Variants in HECW1 observed in about 807,000 individuals in gnomAD.
HECW1 encodes E3 ubiquitin-protein ligase HECW1.
HECW1 carries 61 observed loss-of-function variants against 182.3 expected under a neutral mutation model. That is an observed-to-expected ratio of 0.33 (90% CI 0.27 to 0.41). The LOEUF is 0.41. Among genes scored for constraint, HECW1 ranks in the 10% least tolerant of loss-of-function variants. The probability of loss-of-function intolerance (pLI) is 1.00; values close to 1 mark genes in which losing one functional copy is unlikely to be tolerated. For missense variants in HECW1, 1,739 were observed against 2,108.9 expected (o/e 0.82, Z 3.44); for synonymous variants, 859 against 832.6 (o/e 1.03, Z -0.55).
chr7:43,251,994 G>C (rs1280055573), intron 3 of HECW1, among the ~76,000 whole-genome samples: 1 of 152,108 alleles, frequency 6.6e-6, no homozygotes, highest in East Asian at 1.9e-4. Context: ...TGACTTGTAA[G>C]AATCTCAGCA....
chr7:43,242,788 C>G (rs1799004410), intron 2 of HECW1, among the ~76,000 whole-genome samples: 1 of 152,168 alleles, frequency 6.6e-6, no homozygotes, highest in Non-Finnish European at 1.5e-5. Flanking sequence ...GCCTGAGAAC[C>G]ATCCAGGAAG....
intron 19 of HECW1, among the ~76,000 whole-genome samples, chr7:43,494,273 A>C (rs1255504486): frequency 6.6e-6 from 1 of 151,536 alleles, no homozygotes; most frequent in African/African-American, 2.4e-5. Context: ...TCCACACCTA[A>C]ACATTCACCT....
At chr7:43,251,035 A>G (rs1007429555) in intron 3 of HECW1, among the ~76,000 whole-genome samples, 3 of 152,176 alleles carry the variant, frequency 2.0e-5, no homozygotes, top group Non-Finnish European at 4.4e-5. Context: ...CAGGGCAGCA[A>G]TGCTTCTGGT....
intron 13 of HECW1, among the ~76,000 whole-genome samples, chr7:43,456,757 A>T (rs963189632): frequency 6.6e-6 from 1 of 152,188 alleles, no homozygotes; most frequent in African/African-American, 2.4e-5. Flanking sequence ...TTCACCAAGG[A>T]TGTCAGTGTT....
intron 16 of HECW1, among the ~76,000 whole-genome samples, chr7:43,475,576 G>C (rs1374588915): frequency 6.6e-6 from 1 of 151,866 alleles, no homozygotes; most frequent in African/African-American, 2.4e-5. Flanking sequence ...AGTGAGACTG[G>C]GTCTCGCTCT....
At chr7:43,273,429 T>A (rs1802671715) in intron 3 of HECW1, among the ~76,000 whole-genome samples, 1 of 152,142 alleles carries the variant, frequency 6.6e-6, no homozygotes, top group African/African-American at 2.4e-5. Flanking sequence ...TTGACCCTAA[T>A]ATAAATTTCG....
chr7:43,548,154 T>C (rs1024556022), intron 26 of HECW1, among the ~76,000 whole-genome samples: 1 of 152,262 alleles, frequency 6.6e-6, no homozygotes, highest in Non-Finnish European at 1.5e-5. Context: ...ATTTTAACTT[T>C]TTAATAATAG....
In HECW1 at chr7:43,507,163, C is replaced by G; in HGVS notation, c.3658C>G (p.Pro1220Ala). ...PGLQRASARA[P>A]SPYRRDFEAK... ...TTTACAGAGAGCCAGTGCAAGAGCC[C>G]CTTCCCCCTACCGAAGAGACTTTGA... Residue 1220 changes from proline (P) to alanine (A), a missense_variant, in exon 22 of 30, where the codon CCT (proline) becomes GCT (alanine). This residue lies in a region of HECW1 where 420 missense variants were observed against 595.7 expected (regional missense o/e 0.71). Coordinates refer to ENST00000395891, the MANE Select transcript of HECW1 (RefSeq NM_015052.5). 6.2e-7 allele frequency: 1 copy of G among 1,613,976 alleles called. No homozygotes were observed. Among genetic ancestry groups the G allele is most frequent in the Non-Finnish European group, 8.5e-7 (1 of 1,179,890 alleles).
intron 5 of HECW1, among the ~76,000 whole-genome samples, chr7:43,358,599 G>A (rs1020617448): frequency 1.3e-5 from 2 of 152,084 alleles, no homozygotes; most frequent in Admixed American, 1.3e-4. Flanking sequence ...AATTTAAATA[G>A]CTGATTAAAA....
intron 13 of HECW1, among the ~76,000 whole-genome samples, chr7:43,459,596 G>A (rs554934751): frequency 1.1e-4 from 16 of 151,640 alleles, no homozygotes; most frequent in African/African-American, 3.9e-4. Context: ...GGAGTGCAGT[G>A]GCATTATCTC....
At chr7:43,511,216 TGA>T (rs989213248) in intron 24 of HECW1, 2 of 152,248 alleles carry the variant, frequency 1.3e-5, no homozygotes, top group African/African-American at 4.8e-5. Context: ...CTAAGCATGC[TGA>T]GTTTCATCCA....
intron 5 of HECW1, among the ~76,000 whole-genome samples, chr7:43,345,815 C>T (rs1562866384): frequency 2.0e-5 from 3 of 151,300 alleles, no homozygotes; most frequent in Admixed American, 1.3e-4. Context: ...CACACACACA[C>T]ACACACACAC....
chr7:43,456,341 G>GACC lies in HECW1; in HGVS notation c.2548_2550dup (p.His850dup). 1 of 1,613,864 alleles carries GACC rather than the reference G, an allele frequency of 6.2e-7. No homozygotes were observed. The highest frequency in any genetic ancestry group is 1.1e-5 in the South Asian group (1 of 91,000). ...CAGCCACGGGCGGGTCTTTTATGTG[G>GACC]ACCACGTGAACCGCACAACCACCTG... On this transcript the variant is annotated inframe_insertion, in exon 13 of 30. Coordinates refer to ENST00000395891, the MANE Select transcript of HECW1 (RefSeq NM_015052.5).
chr7:43,557,386 C>G (rs912303826), intron 29 of HECW1, among the ~76,000 whole-genome samples: 2 of 152,204 alleles, frequency 1.3e-5, no homozygotes, highest in African/African-American at 4.8e-5. Flanking sequence ...CCGGTCATAG[C>G]CCAGGCTACA....
chr7:43,194,744 A>G (rs1794272214), intron 2 of HECW1, among the ~76,000 whole-genome samples: 1 of 150,088 alleles, frequency 6.7e-6, no homozygotes, highest in Non-Finnish European at 1.5e-5. Flanking sequence ...CCCAGGCTGG[A>G]GTGCAATGGC....
At chr7:43,335,105 AT>A (rs1288430438) in intron 5 of HECW1, among the ~76,000 whole-genome samples, 1 of 152,212 alleles carries the variant, frequency 6.6e-6, no homozygotes, top group Admixed American at 6.5e-5. Context: ...GGAAGAGTAG[AT>A]TATGTCAATT....
At chr7:43,497,026 C>G (rs1298107341) in intron 19 of HECW1, among the ~76,000 whole-genome samples, 1 of 151,954 alleles carries the variant, frequency 6.6e-6, no homozygotes, top group Non-Finnish European at 1.5e-5. Context: ...TTTTTTTAAG[C>G]CATATACAGC....
chr7:43,330,321 G>A (rs982183905), intron 5 of HECW1, among the ~76,000 whole-genome samples: 19 of 152,238 alleles, frequency 1.2e-4, no homozygotes, highest in African/African-American at 4.6e-4. Context: ...AGAGCATGCT[G>A]GCAGGCCCAG....
chr7:43,519,412 A>G (rs544637201), intron 24 of HECW1, among the ~76,000 whole-genome samples: 1 of 152,174 alleles, frequency 6.6e-6, no homozygotes, highest in African/African-American at 2.4e-5. Flanking sequence ...CACCCGGCTA[A>G]TTTTTGTATT....
Sources: gnomAD v4.1 joint callset for allele counts (sites outside exome capture counted in the v4.1 genomes callset) on GRCh38, gnomAD v4.1.1 for gene constraint, gnomAD v4.1.1 regional missense constraint, MANE v1.5 for transcripts, NCBI Gene and HGNC (gene_info 2026-07-23, HGNC 2026-07-21) for gene names.